DOCK2: variants seen among roughly 807,000 people sequenced by gnomAD.
DOCK2 encodes dedicator of cytokinesis 2.
DOCK2 carries 87 observed loss-of-function variants against 248.9 expected under a neutral mutation model. The observed-to-expected ratio is 0.35, with a 90% CI of 0.29 to 0.42. DOCK2 has a LOEUF of 0.42. Ranked by LOEUF, DOCK2 falls within the 10% of genes least tolerant of loss-of-function variation. The probability of loss-of-function intolerance (pLI) is 1.00; values close to 1 mark genes in which losing one functional copy is unlikely to be tolerated. For missense variants in DOCK2, 1,747 were observed against 2,300.2 expected (o/e 0.76, Z 4.92); for synonymous variants, 805 against 821.6 (o/e 0.98, Z 0.35).
intron 25 of DOCK2, among the ~76,000 whole-genome samples, chr5:169,801,181 T>A (rs169018): frequency 0.017 from 1,439 of 86,396 alleles, 50 homozygotes; most frequent in African/African-American, 0.049. Context: ...TTTTTTTTTT[T>A]AGTAGACTTG....
At chr5:170,081,612 G>A in intron 50 of DOCK2, 1 of 546,136 alleles carries the variant, frequency 1.8e-6, no homozygotes, top group Non-Finnish European at 3.2e-6. Context: ...TTGACCAGGA[G>A]CCAGGAGGCT....
chr5:169,805,752 C>T (rs892151480), intron 26 of DOCK2, among the ~76,000 whole-genome samples: 2 of 152,262 alleles, frequency 1.3e-5, no homozygotes, highest in Middle Eastern at 3.4e-3. Flanking sequence ...TACACACCCT[C>T]GATACTTAGG....
chr5:169,769,020 G>T (rs1764947530), intron 25 of DOCK2, among the ~76,000 whole-genome samples: 1 of 152,218 alleles, frequency 6.6e-6, no homozygotes, highest in Non-Finnish European at 1.5e-5. Context: ...CCCTGGGGAA[G>T]CAATGTGGAT....
chr5:169,725,177 G>T (rs1417104533), intron 22 of DOCK2, among the ~76,000 whole-genome samples: 3 of 152,118 alleles, frequency 2.0e-5, no homozygotes, highest in African/African-American at 7.2e-5. Flanking sequence ...CTCTGTTTTT[G>T]GTTTTGAATA....
chr5:169,929,289 T>A (rs1009386930), intron 27 of DOCK2, among the ~76,000 whole-genome samples: 11 of 152,238 alleles, frequency 7.2e-5, no homozygotes, highest in Admixed American at 1.3e-4. Context: ...TTCTCTTTCC[T>A]TTCCCCATTG....
In DOCK2 at chr5:169,674,302, C is replaced by G; in HGVS notation, c.327C>G (p.Ser109Arg). The G allele has an allele frequency of 1.2e-6, 2 of 1,613,882 alleles. No homozygotes were observed. Among genetic ancestry groups the G allele is most frequent in the Non-Finnish European group, 8.5e-7 (1 of 1,179,920 alleles). ...GSIWKQLYVASKKERFLQVQS... is the reference protein window; with the variant it reads ...GSIWKQLYVARKKERFLQVQS... The stretch of plus-strand genomic sequence containing the variant: ...GGTTGTTTCTTGTCTCCTAGGCCAG[C>G]AAAAAGGAGCGTTTTCTCCAGGTGC... Residue 109 changes from serine (S) to arginine (R), a missense_variant, in exon 6 of 52, where the codon AGC becomes AGG. This residue lies in a region of DOCK2 where 375 missense variants were observed against 510.9 expected (regional missense o/e 0.73). Coordinates refer to ENST00000520908, the MANE Select transcript of DOCK2 (RefSeq NM_004946.3).
chr5:169,832,002 G>A (rs1016280718), intron 26 of DOCK2, among the ~76,000 whole-genome samples: 31 of 152,174 alleles, frequency 2.0e-4, no homozygotes, highest in Middle Eastern at 3.2e-3. Context: ...GCACCATTCC[G>A]TTGTGCCATC....
At chr5:169,637,698 G>T (rs1196290058) in intron 1 of DOCK2, among the ~76,000 whole-genome samples, 1 of 152,186 alleles carries the variant, frequency 6.6e-6, no homozygotes, top group Non-Finnish European at 1.5e-5. Context: ...AGCTCGCCGC[G>T]TGGGAGACTT....
chr5:169,851,097 C>G (rs1770597631), intron 27 of DOCK2, among the ~76,000 whole-genome samples: 1 of 152,206 alleles, frequency 6.6e-6, no homozygotes, highest in African/African-American at 2.4e-5. Flanking sequence ...TTCCATTCAT[C>G]CTTCCATCCG....
intron 9 of DOCK2, among the ~76,000 whole-genome samples, chr5:169,692,173 G>A (rs571931121): frequency 6.6e-6 from 1 of 152,290 alleles, no homozygotes; most frequent in South Asian, 2.1e-4. Context: ...TGTTTTGTAA[G>A]GGTTTACCCC....
intron 23 of DOCK2, among the ~76,000 whole-genome samples, chr5:169,752,533 G>A (rs1763952267): frequency 6.6e-6 from 1 of 150,820 alleles, no homozygotes; most frequent in African/African-American, 2.4e-5. Flanking sequence ...AAGCCTAGGA[G>A]TTCAAGACCA....
chr5:169,641,831 AGTTCAAG>A (rs1757168820), intron 1 of DOCK2, among the ~76,000 whole-genome samples: 1 of 152,242 alleles, frequency 6.6e-6, no homozygotes. Flanking sequence ...ACAACCTTGC[AGTTCAAG>A]CATCCACTGA....
chr5:169,912,863 T>C (rs1310028191), intron 27 of DOCK2, among the ~76,000 whole-genome samples: 1 of 152,240 alleles, frequency 6.6e-6, no homozygotes, highest in East Asian at 1.9e-4. Context: ...AATCAACTCA[T>C]TTGAATAGAT....
At chr5:170,026,277 G>A (rs983512714) in intron 33 of DOCK2, among the ~76,000 whole-genome samples, 1 of 152,138 alleles carries the variant, frequency 6.6e-6, no homozygotes, top group African/African-American at 2.4e-5. Context: ...AAAGGTCTCT[G>A]CCATTCATCT....
In DOCK2 at chr5:169,836,107, T is replaced by C. The variant is rs1769568022; in HGVS notation, c.2704-4650T>C. ...GAATTTTTTGAACTATATACACTTA[T>C]AACTTTGATAAAAATAAAATTTCAT... is the stretch of plus-strand genomic sequence containing the variant. On this transcript the variant is annotated intron_variant, in intron 26 of 51. Coordinates refer to ENST00000520908, the MANE Select transcript of DOCK2 (RefSeq NM_004946.3). Among the ~76,000 whole-genome samples the C allele has an allele frequency of 2.6e-5, 4 of 152,224 alleles. 1 individual carries two copies. In the South Asian group the frequency reaches 8.3e-4, roughly 31 times the overall value.
chr5:169,898,970 T>G (rs532350480), intron 27 of DOCK2, among the ~76,000 whole-genome samples: 2 of 152,080 alleles, frequency 1.3e-5, no homozygotes, highest in African/African-American at 2.4e-5. Flanking sequence ...ATCCAGAAGT[T>G]AAGAACTCAG....
intron 30 of DOCK2, among the ~76,000 whole-genome samples, chr5:170,004,055 C>T (rs971841948): frequency 6.6e-6 from 1 of 152,148 alleles, no homozygotes; most frequent in Non-Finnish European, 1.5e-5. Context: ...AAAACAAAAC[C>T]AGGTCCACTC....
chr5:169,685,516 C>T (rs1373085947), intron 8 of DOCK2, among the ~76,000 whole-genome samples: 5 of 152,172 alleles, frequency 3.3e-5, no homozygotes, highest in African/African-American at 1.2e-4. Context: ...CGCCACCACG[C>T]CCGGCTAATT....
chr5:169,735,565 T>A (rs1298991396), intron 22 of DOCK2, among the ~76,000 whole-genome samples: 3 of 152,238 alleles, frequency 2.0e-5, no homozygotes, highest in Non-Finnish European at 4.4e-5. Context: ...CATATCACAG[T>A]TTCTGTTTTA....
Sources: gnomAD v4.1 joint callset for allele counts (sites outside exome capture counted in the v4.1 genomes callset) on GRCh38, gnomAD v4.1.1 for gene constraint, gnomAD v4.1.1 regional missense constraint, MANE v1.5 for transcripts, NCBI Gene and HGNC (gene_info 2026-07-23, HGNC 2026-07-21) for gene names.